Variants in DAB2IP observed in about 807,000 individuals in gnomAD.
DAB2IP encodes the protein DAB2 interacting protein, also known as disabled homolog 2-interacting protein.
Under a neutral mutation model 107.2 loss-of-function variants are expected in DAB2IP, and 28 were observed. That is an observed-to-expected ratio of 0.26 (90% CI 0.19 to 0.36). The LOEUF is 0.36. DAB2IP is among the 10% of genes least tolerant of loss of function. The pLI, the probability that DAB2IP is intolerant of heterozygous loss-of-function variation, is 1.00. For synonymous variants in DAB2IP, 755 were observed against 706.4 expected (o/e 1.07, Z -1.09); for missense variants, 1,400 against 1,644.7 (o/e 0.85, Z 2.57).
intron 1 of DAB2IP, among the ~76,000 whole-genome samples, chr9:121,654,453 TG>T (rs1246563904): frequency 1.3e-5 from 2 of 152,090 alleles, no homozygotes; most frequent in South Asian, 2.1e-4. Context: ...TTTGTTTGTT[TG>T]TTTTTTTAAA....
chr9:121,606,836 G>A (rs145721420), intron 1 of DAB2IP, among the ~76,000 whole-genome samples: 5,768 of 150,860 alleles, frequency 0.038, 347 homozygotes, highest in African/African-American at 0.13. Context: ...GTGCAGTAGC[G>A]TGATCTCAGC....
At chr9:121,675,801 C>G (rs1833878306) in intron 1 of DAB2IP, among the ~76,000 whole-genome samples, 1 of 152,202 alleles carries the variant, frequency 6.6e-6, no homozygotes, top group African/African-American at 2.4e-5. Context: ...GACAGCCTCC[C>G]AGAGGGAGGT....
chr9:121,663,062 A>G (rs1460220554), intron 1 of DAB2IP, among the ~76,000 whole-genome samples: 1 of 152,144 alleles, frequency 6.6e-6, no homozygotes, highest in Non-Finnish European at 1.5e-5. Flanking sequence ...TCATCCTTGG[A>G]GTGTTCAGGA....
chr9:121,770,920 T>C (rs1227359312), intron 11 of DAB2IP, among the ~76,000 whole-genome samples, 196 bp downstream of exon 11: 1 of 150,650 alleles, frequency 6.6e-6, no homozygotes, highest in African/African-American at 2.5e-5. Flanking sequence ...GAGGAGGTGA[T>C]GCTATAGGTT....
At chr9:121,743,166 T>G (rs536986636) in intron 3 of DAB2IP, among the ~76,000 whole-genome samples, 1 of 152,314 alleles carries the variant, frequency 6.6e-6, no homozygotes, top group East Asian at 1.9e-4. Flanking sequence ...ATCTGAAAGA[T>G]GGGGCAATGG....
At chr9:121,601,910 G>A (rs1008765099) in intron 1 of DAB2IP, among the ~76,000 whole-genome samples, 25 of 151,902 alleles carry the variant, frequency 1.6e-4, no homozygotes, top group Non-Finnish European at 2.6e-4. Context: ...GTGTGTGCGC[G>A]TGCGTGTGTG....
chr9:121,640,207 G>T (rs1184532723), intron 1 of DAB2IP, among the ~76,000 whole-genome samples: 6 of 152,190 alleles, frequency 3.9e-5, no homozygotes, highest in Non-Finnish European at 7.3e-5. Context: ...TAGCCCAGCA[G>T]GGGGCAGCGC....
intron 1 of DAB2IP, among the ~76,000 whole-genome samples, chr9:121,577,301 G>T (rs574262608): frequency 1.3e-5 from 2 of 152,306 alleles, no homozygotes; most frequent in South Asian, 4.1e-4. Context: ...CGGGTGGAGT[G>T]GGGGTGGATT....
chr9:121,779,500 TGG>T (rs1835439555), intron 14 of DAB2IP, among the ~76,000 whole-genome samples: 1 of 152,236 alleles, frequency 6.6e-6, no homozygotes, highest in Non-Finnish European at 1.5e-5. Flanking sequence ...AAATCCTTTC[TGG>T]GGGCTTTATT....
chr9:121,775,326 C>T (rs1835122499), intron 13 of DAB2IP, among the ~76,000 whole-genome samples: 1 of 152,212 alleles, frequency 6.6e-6, no homozygotes, highest in East Asian at 1.9e-4. Flanking sequence ...CGTCTCCATG[C>T]TGCATCCTGC....
At chr9:121,646,107 G>A (rs1216811602) in intron 1 of DAB2IP, among the ~76,000 whole-genome samples, 7 of 152,120 alleles carry the variant, frequency 4.6e-5, no homozygotes, top group East Asian at 3.9e-4. Context: ...AAATGTCCAC[G>A]CTTGACTGGT....
chr9:121,699,352 T>C lies in DAB2IP; in HGVS notation c.256T>C (p.Ser86Pro), dbSNP rs1177445362. 3 of 1,422,452 alleles carry C rather than the reference T, an allele frequency of 2.1e-6. No homozygotes were observed. The highest frequency in any genetic ancestry group is 2.6e-5 in the South Asian group (2 of 76,746). The allele number at this position is 1,422,452 out of a possible 1,614,324, so 88.1% of individuals were successfully genotyped here. ...CTTCCTCAGCCGCCGCCTCAAGGGCTCCATCAAGCGCACCAAGAGCCAGCC... is the reference window on the plus strand; with the variant it reads ...CTTCCTCAGCCGCCGCCTCAAGGGCCCCATCAAGCGCACCAAGAGCCAGCC... The change falls in exon 3 of 16, where the codon TCC (serine) becomes CCC (proline). Residue 86 changes from serine (S) to proline (P), a missense_variant. Physicochemically the swap from Ser to Pro is moderately conservative, Grantham distance 74. This residue lies in a region of DAB2IP where 283 missense variants were observed against 237.0 expected (regional missense o/e 1.19). Transcript: ENST00000408936. This position sits in a 1 kb window ranked among gnomAD's most constrained non-coding sequence, Gnocchi z 6.2.
At chr9:121,608,125 C>T (rs1830947128) in intron 1 of DAB2IP, among the ~76,000 whole-genome samples, 1 of 152,234 alleles carries the variant, frequency 6.6e-6, no homozygotes, top group African/African-American at 2.4e-5. Context: ...AAAATAGACA[C>T]CCTAATCCCT....
At chr9:121,644,736 C>T (rs538011172) in intron 1 of DAB2IP, among the ~76,000 whole-genome samples, 2 of 152,358 alleles carry the variant, frequency 1.3e-5, no homozygotes, top group East Asian at 3.9e-4. Context: ...CACAACCTCA[C>T]AAAATATTCA....
intron 3 of DAB2IP, among the ~76,000 whole-genome samples, chr9:121,723,611 C>T (rs546823504): frequency 7.9e-5 from 12 of 152,360 alleles, no homozygotes; most frequent in African/African-American, 2.9e-4. Flanking sequence ...GGTCTTGCAG[C>T]ACCTCCTGCT....
chr9:121,765,432 T>G (rs560279619), intron 8 of DAB2IP, among the ~76,000 whole-genome samples: 27 of 152,286 alleles, frequency 1.8e-4, no homozygotes, highest in South Asian at 1.2e-3. Flanking sequence ...GGTGTGCCCT[T>G]GATGGGTCAG....
intron 2 of DAB2IP, among the ~76,000 whole-genome samples, chr9:121,695,151 G>A (rs1380496343): frequency 6.6e-6 from 1 of 152,082 alleles, no homozygotes; most frequent in African/African-American, 2.4e-5. Flanking sequence ...AAAAGTGCTT[G>A]TTTAAGAGAG....
At chr9:121,594,276 G>A (rs987371195) in intron 1 of DAB2IP, among the ~76,000 whole-genome samples, 6 of 144,576 alleles carry the variant, frequency 4.2e-5, no homozygotes, top group South Asian at 2.2e-4. Flanking sequence ...TTGCTCTGTC[G>A]CCGAGGCTGG....
chr9:121,577,655 C>A (rs538685605), intron 1 of DAB2IP, among the ~76,000 whole-genome samples: 2 of 152,180 alleles, frequency 1.3e-5, no homozygotes, highest in East Asian at 3.9e-4. Flanking sequence ...CACCCGCAGC[C>A]CTGCCCAAGA....
Sources: allele counts gnomAD v4.1 joint callset (sites outside exome capture counted in the v4.1 genomes callset), GRCh38; gene constraint gnomAD v4.1.1; regional missense constraint gnomAD v4.1.1; non-coding constraint Gnocchi (gnomAD v3.1); transcripts MANE v1.5; gene names NCBI Gene and HGNC (gene_info 2026-07-23, HGNC 2026-07-21).